The following NFIC variants were observed in gnomAD, a reference collection of about 807,000 sequenced individuals.
NFIC encodes the protein nuclear factor I C.
Under a neutral mutation model 54.4 loss-of-function variants are expected in NFIC, and 12 were observed. The observed-to-expected ratio is 0.22, with a 90% confidence interval of 0.14 to 0.36. The LOEUF is 0.36. Among genes scored for constraint, NFIC ranks in the 10% least tolerant of loss-of-function variants. NFIC has a pLI of 1.00. For missense variants in NFIC, 575 were observed against 718.2 expected, an observed-to-expected ratio of 0.80 and a Z score of 2.28; for synonymous variants, 322 against 319.2, an observed-to-expected ratio of 1.01 and a Z score of -0.09.
chr19:3,416,095 C>T (rs1476159012), intron 2 of NFIC, among the ~76,000 whole-genome samples: 2 of 150,508 alleles, frequency 1.3e-5, no homozygotes, highest in African/African-American at 2.4e-5. Flanking sequence ...CCCAGGAGGT[C>T]GAGCCTGCAG....
intron 2 of NFIC, among the ~76,000 whole-genome samples, chr19:3,403,277 A>G (rs1284465147): frequency 6.6e-6 from 1 of 152,134 alleles, no homozygotes; most frequent in African/African-American, 2.4e-5. Flanking sequence ...TCTGGTTTCC[A>G]GCCCCCTCCC....
chr19:3,376,873 C>T (rs575518170), intron 1 of NFIC, among the ~76,000 whole-genome samples: 47 of 152,024 alleles, frequency 3.1e-4, no homozygotes, highest in Admixed American at 9.2e-4. Context: ...GGATTACAGG[C>T]GCCTGTCACC....
chr19:3,382,162 G>T lies in NFIC; in HGVS notation c.481G>T (p.Val161Phe). ...LVKAAQCGHP[V>F]LCVQPHHIGV... ...CAAGGCTGCGCAGTGCGGTCACCCG[G>T]TCCTGTGCGTGCAGCCGCACCACAT... is the stretch of plus-strand genomic sequence containing the variant. Residue 161 changes from valine (V) to phenylalanine (F), a missense_variant, in exon 2 of 11, where the codon GTC (valine) becomes TTC (phenylalanine). Val to Phe is a conservative substitution (Grantham distance 50). Transcript: ENST00000443272. 3 of 1,612,854 alleles carry T rather than the reference G, an allele frequency of 1.9e-6. No individual in the cohort carries two copies. The highest frequency in any genetic ancestry group is 1.1e-5 in the South Asian group (1 of 91,074).
chr19:3,409,330 CCG>C (rs1220179392), intron 2 of NFIC, among the ~76,000 whole-genome samples: 1 of 152,198 alleles, frequency 6.6e-6, no homozygotes, highest in African/African-American at 2.4e-5. Flanking sequence ...TGGAGAGCCA[CCG>C]TCACATCCTC....
intron 2 of NFIC, among the ~76,000 whole-genome samples, chr19:3,388,836 G>GT (rs55918109): frequency 0.65 from 97,817 of 149,720 alleles, 33,584 homozygotes; most frequent in African/African-American, 0.87. Context: ...TCTAAAAACC[G>GT]TTTTTTTTAA....
chr19:3,425,649 G>C (rs973122702), intron 3 of NFIC, among the ~76,000 whole-genome samples: 2 of 152,034 alleles, frequency 1.3e-5, no homozygotes, highest in South Asian at 4.2e-4. Context: ...TAGTAGAGAC[G>C]GGGTTTCACC....
Position 3,458,258 on chromosome 19 carries a change from G to T in NFIC, c.1509+1623G>T, listed in dbSNP as rs779834105. Among the ~76,000 whole-genome samples the T allele has an allele frequency of 1.3e-5, 2 of 152,116 alleles. No homozygotes were observed. Among genetic ancestry groups the T allele is most frequent in the African/African-American group, 2.4e-5 (1 of 41,432 alleles). On this transcript the variant is annotated intron_variant, in intron 10 of 10. Coordinates refer to ENST00000443272, the MANE Select transcript of NFIC (RefSeq NM_001245002.2). The surrounding 1 kb of genome is among the most constrained non-coding windows in gnomAD (Gnocchi z 4.1). ...GCCCCCTATGGCCAACCTCTCCCCC[G>T]CCTGGTGCTGATGGAGCCCGGCATT...
chr19:3,425,787 C>T (rs1467727850), intron 3 of NFIC, among the ~76,000 whole-genome samples: 1 of 151,542 alleles, frequency 6.6e-6, no homozygotes, highest in Non-Finnish European at 1.5e-5. Flanking sequence ...AACGGTCTCA[C>T]GCTGCTGCCC....
At chr19:3,462,384 AAAAAT>A (rs1404598739) in intron 10 of NFIC, among the ~76,000 whole-genome samples, 1 of 152,234 alleles carries the variant, frequency 6.6e-6, no homozygotes, top group Admixed American at 6.5e-5. Flanking sequence ...CTCCATCTCA[AAAAAT>A]AAAATAATAA....
Position 3,452,741 on chromosome 19 carries a change from A to G in NFIC, c.1269+75A>G. On this transcript the variant is annotated intron_variant, in intron 8 of 10. Transcript: ENST00000443272. The surrounding 1 kb of genome is among the most constrained non-coding windows in gnomAD (Gnocchi z 5.3). ...CTCCCGGGGGCCACGTGCTCACACG[A>G]AGGCACAACCTCTGCTTAAAAGGGT... 2.0e-6 allele frequency: 3 copies of G among 1,496,664 alleles called. No individual in the cohort carries two copies. The highest frequency in any genetic ancestry group is 2.7e-6 in the Non-Finnish European group (3 of 1,118,802). The allele number at this position is 1,496,664 out of a possible 1,614,324, so 92.7% of individuals were successfully genotyped here.
At position 3,467,789 on chromosome 19, in the gene NFIC, A is replaced by ATATATATATATATACATATAT. The variant is rs1176215106; in HGVS notation, c.*5020_*5021insTATATATATATATACATATAT. ...TATATATATATATATATATATATAT[A>ATATATATATATATACATATAT]ATTTTGGAATTTGTTTCTCATAATA... On this transcript the variant is annotated 3_prime_UTR_variant, in exon 11 of 11. Coordinates refer to ENST00000443272, the MANE Select transcript of NFIC (RefSeq NM_001245002.2). 7.7e-6 allele frequency: 1 copy of ATATATATATATATACATATAT among 129,366 alleles called. No homozygotes were observed. The highest frequency in any genetic ancestry group is 1.6e-5 in the Non-Finnish European group (1 of 63,076). 8.0% of individuals were successfully genotyped at this position (129,366 alleles called of 1,614,324 possible).
rs1303385887 is a variant in NFIC at position 3,465,479 on chromosome 19, A to G, written c.*2710A>G. 2 of 150,118 alleles carry G rather than the reference A, an allele frequency of 1.3e-5. No individual in the cohort carries two copies. The highest frequency in any genetic ancestry group is 4.9e-5 in the African/African-American group (2 of 40,802). The allele number at this position is 150,118 out of a possible 1,614,324, so 9.3% of individuals were successfully genotyped here. ...AGGAAGAAAAACCACGCTAAAAATC[A>G]AGCCACTGAAAACAATTGCCCCCAG... is the stretch of plus-strand genomic sequence containing the variant. On this transcript the variant is annotated 3_prime_UTR_variant, in exon 11 of 11. Coordinates refer to ENST00000443272, the MANE Select transcript of NFIC (RefSeq NM_001245002.2).
intron 7 of NFIC, among the ~76,000 whole-genome samples, chr19:3,449,693 G>A (rs1367386135): frequency 6.7e-6 from 1 of 149,856 alleles, no homozygotes; most frequent in South Asian, 2.1e-4. Flanking sequence ...CCGGGAGGTA[G>A]AAGTTGCAGT....
chr19:3,397,855 T>C (rs1230619406), intron 2 of NFIC, among the ~76,000 whole-genome samples: 3 of 152,224 alleles, frequency 2.0e-5, no homozygotes, highest in Non-Finnish European at 4.4e-5. Flanking sequence ...ACCACTCATG[T>C]GTCTGACGGG....
intron 3 of NFIC, among the ~76,000 whole-genome samples, chr19:3,427,720 G>A (rs962598035): frequency 2.0e-5 from 3 of 151,410 alleles, no homozygotes; most frequent in African/African-American, 7.3e-5. Context: ...CCAGCTAGTC[G>A]GGAGGCTGAG....
At chr19:3,385,333 T>C (rs2081278421) in intron 2 of NFIC, among the ~76,000 whole-genome samples, 1 of 151,658 alleles carries the variant, frequency 6.6e-6, no homozygotes, top group African/African-American at 2.4e-5. Context: ...ACTCACCCTC[T>C]CTGTGCTTCA....
At chr19:3,381,163 C>T (rs563827945) in intron 1 of NFIC, among the ~76,000 whole-genome samples, 2 of 152,104 alleles carry the variant, frequency 1.3e-5, no homozygotes, top group South Asian at 2.1e-4. Flanking sequence ...GGCCGAGAGC[C>T]GAGGCGGGCG....
At chr19:3,383,045 G>A (rs1425819174) in intron 2 of NFIC, among the ~76,000 whole-genome samples, 1 of 152,074 alleles carries the variant, frequency 6.6e-6, no homozygotes, top group East Asian at 1.9e-4. Flanking sequence ...GTCTCAGGGG[G>A]ATGAGAATGT....
chr19:3,449,876 G>GA (rs976340413), intron 7 of NFIC, among the ~76,000 whole-genome samples: 13 of 151,896 alleles, frequency 8.6e-5, no homozygotes, highest in African/African-American at 2.9e-4. Flanking sequence ...CCAACATGGT[G>GA]AAACCCCTTG....
Sources: gnomAD v4.1 joint callset for allele counts (sites outside exome capture counted in the v4.1 genomes callset) on GRCh38, gnomAD v4.1.1 for gene constraint, Gnocchi (gnomAD v3.1) non-coding constraint, MANE v1.5 for transcripts, NCBI Gene and HGNC (gene_info 2026-07-23, HGNC 2026-07-21) for gene names.